The following PTPRD variants were observed in gnomAD, a reference collection of about 807,000 sequenced individuals.
PTPRD encodes the protein protein tyrosine phosphatase receptor type D, also known as receptor-type tyrosine-protein phosphatase delta.
A neutral mutation model predicts 214.5 loss-of-function variants in PTPRD; 34 were observed. That is an observed-to-expected ratio of 0.16 (90% CI 0.12 to 0.21). PTPRD has a LOEUF of 0.21. Among genes scored for constraint, PTPRD ranks in the 10% least tolerant of loss-of-function variants. PTPRD has a pLI of 1.00. For synonymous variants in PTPRD, 1,128 were observed against 845.7 expected (o/e 1.33, Z -5.79); for missense variants, 2,545 against 2,398.7 (o/e 1.06, Z -1.27).
chr9:9,385,640 T>C (rs10977709), intron 9 of PTPRD, among the ~76,000 whole-genome samples: 36,223 of 151,966 alleles, frequency 0.24, 4,389 homozygotes, highest in Middle Eastern at 0.38. Context: ...TGGACAAACC[T>C]TAGTGAAAGT....
chr9:9,600,802 G>C (rs538782048), intron 7 of PTPRD, among the ~76,000 whole-genome samples: 3 of 152,096 alleles, frequency 2.0e-5, no homozygotes, highest in East Asian at 1.9e-4. Flanking sequence ...AAATCCTTTT[G>C]TACTAAAATG....
At chr9:10,489,837 A>G (rs1732262169) in intron 2 of PTPRD, among the ~76,000 whole-genome samples, 1 of 152,176 alleles carries the variant, frequency 6.6e-6, no homozygotes, top group South Asian at 2.1e-4. Context: ...CCCAGCACAC[A>G]GAAACACTCC....
intron 11 of PTPRD, among the ~76,000 whole-genome samples, chr9:8,736,401 C>T (rs2090401930): frequency 6.6e-6 from 1 of 152,022 alleles, no homozygotes; most frequent in South Asian, 2.1e-4. Flanking sequence ...TATTCATTTG[C>T]AAAATGAAAC....
chr9:9,357,498 A>G (rs754133093), intron 9 of PTPRD, among the ~76,000 whole-genome samples: 3 of 151,272 alleles, frequency 2.0e-5, no homozygotes, highest in Non-Finnish European at 3.0e-5. Flanking sequence ...GTTAGTCACT[A>G]TGCCTGGGAA....
chr9:8,463,674 C>A (rs976748241), intron 32 of PTPRD, among the ~76,000 whole-genome samples: 1 of 151,914 alleles, frequency 6.6e-6, no homozygotes, highest in Non-Finnish European at 1.5e-5. Context: ...AATATAATTT[C>A]TTGTGCGTGG....
At position 8,359,141 on chromosome 9, in the gene PTPRD, AAAAAAAAT is replaced by A. The variant is rs2077788073; in HGVS notation, c.4661+16787_4661+16794del. Among the ~76,000 whole-genome samples, 33 of 117,106 alleles carry A rather than the reference AAAAAAAAT, an allele frequency of 2.8e-4. 3 individuals carry two copies. Among genetic ancestry groups the A allele is most frequent in the Non-Finnish European group, 4.5e-4 (24 of 53,600 alleles). The allele number at this position is 117,106 out of a possible 152,430, so 76.8% of individuals were successfully genotyped here. On this transcript the variant is annotated intron_variant, in intron 39 of 45. Coordinates refer to ENST00000381196, the MANE Select transcript of PTPRD (RefSeq NM_002839.4). ...AAAAAAACAAAAAAAAAAAAAAACA[AAAAAAAAT>A]TGAATCAGATTTTAGATTCGGCAGG...
Position 8,480,477 on chromosome 9 carries a change from T to G in PTPRD, c.3413+3642A>C, listed in dbSNP as rs1024560702. Among the ~76,000 whole-genome samples the G allele has an allele frequency of 2.6e-5, 4 of 152,172 alleles. No individual in the cohort carries two copies. In the South Asian group the frequency reaches 8.3e-4, roughly 32 times the overall value. ...TCTTTGCTTGTCCAAATTGCCCAAT[T>G]AACTATGCTGTATGAGAACAATGAG... is the stretch of plus-strand genomic sequence containing the variant. On this transcript the variant is annotated intron_variant, in intron 30 of 45. Coordinates refer to ENST00000381196, the MANE Select transcript of PTPRD (RefSeq NM_002839.4).
Position 8,444,303 on chromosome 9 carries a change from C to T in PTPRD, c.3988+5422G>A, listed in dbSNP as rs144213966. Among the ~76,000 whole-genome samples, 940 of 152,202 alleles carry T rather than the reference C, an allele frequency of 6.2e-3. 5 individuals are homozygous for T. Among genetic ancestry groups the T allele is most frequent in the Non-Finnish European group, 0.011 (741 of 67,998 alleles). Reference sequence around the variant, plus strand: ...TTAAAAAGAAGACATAATACACTCACTTGAAAAAAGTCCATTTTTATATAG... The same window carrying T: ...TTAAAAAGAAGACATAATACACTCATTTGAAAAAAGTCCATTTTTATATAG... On this transcript the variant is annotated intron_variant, in intron 34 of 45. Coordinates refer to ENST00000381196, the MANE Select transcript of PTPRD (RefSeq NM_002839.4).
chr9:10,551,163 C>T (rs2061274984), intron 2 of PTPRD, among the ~76,000 whole-genome samples: 2 of 151,964 alleles, frequency 1.3e-5, no homozygotes, highest in Admixed American at 1.3e-4. Context: ...GTGACACCCC[C>T]AACTCTGCAA....
chr9:9,567,958 T>C (rs535475579), intron 8 of PTPRD, among the ~76,000 whole-genome samples: 5 of 151,972 alleles, frequency 3.3e-5, no homozygotes, highest in East Asian at 1.9e-4. Context: ...CCTTTTTTTT[T>C]CTACTGGGTA....
chr9:8,771,908 G>C (rs958545104), intron 11 of PTPRD, among the ~76,000 whole-genome samples: 6 of 151,390 alleles, frequency 4.0e-5, no homozygotes, highest in Admixed American at 3.3e-4. Flanking sequence ...CAGAAAAGCT[G>C]GGTCATAAAC....
chr9:10,261,067 TTA>T (rs1554974546), intron 3 of PTPRD, among the ~76,000 whole-genome samples: 13 of 124,690 alleles, frequency 1.0e-4, no homozygotes, highest in South Asian at 5.3e-4. Flanking sequence ...TGTATATATA[TTA>T]TATATATGTG....
intron 35 of PTPRD, among the ~76,000 whole-genome samples, chr9:8,414,420 C>T (rs984493121): frequency 3.3e-5 from 5 of 152,152 alleles, no homozygotes; most frequent in African/African-American, 1.2e-4. Flanking sequence ...AACTGTATTA[C>T]CCAATTTTCT....
chr9:9,972,382 T>C (rs1371889258), intron 4 of PTPRD, among the ~76,000 whole-genome samples: 1 of 152,174 alleles, frequency 6.6e-6, no homozygotes, highest in Admixed American at 6.5e-5. Flanking sequence ...ACTTTTCTGT[T>C]TCGGTAACTG....
intron 9 of PTPRD, among the ~76,000 whole-genome samples, chr9:9,248,974 G>A (rs753119025): frequency 1.5e-4 from 23 of 151,928 alleles, no homozygotes; most frequent in Admixed American, 1.4e-3. Context: ...GCTTTTGAAC[G>A]GGAGTCATAA....
intron 44 of PTPRD, among the ~76,000 whole-genome samples, chr9:8,320,316 C>T (rs530392847): frequency 8.8e-4 from 134 of 152,182 alleles, no homozygotes; most frequent in African/African-American, 3.2e-3. Flanking sequence ...AACCTGCCTA[C>T]TTAATATTTT....
intron 35 of PTPRD, among the ~76,000 whole-genome samples, chr9:8,425,964 T>C (rs368928745): frequency 2.0e-5 from 3 of 152,198 alleles, no homozygotes; most frequent in East Asian, 3.8e-4. Flanking sequence ...TCTGTAGTTC[T>C]TCATAATTAC....
chr9:9,852,924 G>C (rs1051514491), intron 5 of PTPRD, among the ~76,000 whole-genome samples: 1 of 152,150 alleles, frequency 6.6e-6, no homozygotes, highest in South Asian at 2.1e-4. Context: ...ATACCTGAGT[G>C]AATCAGCTGG....
chr9:8,354,227 G>C (rs1307895445), intron 39 of PTPRD, among the ~76,000 whole-genome samples: 4 of 151,314 alleles, frequency 2.6e-5, no homozygotes, highest in Non-Finnish European at 5.9e-5. Flanking sequence ...TAAGGTGCTA[G>C]AATCCATAGT....
Sources: allele counts gnomAD v4.1 joint callset (sites outside exome capture counted in the v4.1 genomes callset), GRCh38; gene constraint gnomAD v4.1.1; transcripts MANE v1.5; gene names NCBI Gene and HGNC (gene_info 2026-07-23, HGNC 2026-07-21).